MEF2B: variants seen among roughly 807,000 people sequenced by gnomAD.
The protein encoded by MEF2B is myocyte-specific enhancer factor 2B.
A neutral mutation model predicts 32.2 loss-of-function variants in MEF2B; 15 were observed. The observed-to-expected ratio is 0.47, with a 90% CI of 0.31 to 0.72. MEF2B has a LOEUF of 0.72. Among genes scored for constraint, MEF2B ranks in the 30% least tolerant of loss-of-function variants. MEF2B has a pLI of 0.05. For missense variants in MEF2B, 441 were observed against 511.5 expected (o/e 0.86, Z 1.33); for synonymous variants, 205 against 225.6 (o/e 0.91, Z 0.82).
Position 19,164,682 on chromosome 19 carries a change from C to T in MEF2B, c.-30+5523G>A, listed in dbSNP as rs868556299. On this transcript the variant is annotated intron_variant, in intron 1 of 8. Coordinates refer to ENST00000424583, the MANE Select transcript of MEF2B (RefSeq NM_001145785.2). ...TACAAAAATTAGCCGGGCATGATGG[C>T]GGGCGCCTGTAATCCCAGCTACTCA... Among the ~76,000 whole-genome samples, 13 of 152,274 alleles carry T rather than the reference C, an allele frequency of 8.5e-5. No individual in the cohort carries two copies. In the Middle Eastern group the frequency reaches 0.01, roughly 120 times the overall value.
rs2060034749 is a variant in MEF2B at position 19,147,185 on chromosome 19, TGTGG to T, written c.394-6_394-3del. ...GCTGGGCATAGCAGGAGCTGCAGGC[TGTGG>T]GTAGAGAAGGGATGGGTCAGAGGAC... On this transcript the variant is annotated splice_polypyrimidine_tract_variant and splice_region_variant and intron_variant, in intron 4 of 8. Coordinates refer to ENST00000424583, the MANE Select transcript of MEF2B (RefSeq NM_001145785.2). 6.4e-7 allele frequency: 1 copy of T among 1,569,812 alleles called. No individual in the cohort carries two copies. The highest frequency in any genetic ancestry group is 1.2e-5 in the South Asian group (1 of 86,108).
chr19:19,146,499 A>G (rs2146350052), intron 7 of MEF2B, 56 bp downstream of exon 7: 11 of 1,460,968 alleles, frequency 7.5e-6, no homozygotes, highest in Non-Finnish European at 8.2e-6. Context: ...TGGAACCCCC[A>G]GAGGGCAGGA....
At chr19:19,150,563 A>G in intron 2 of MEF2B, 119 bp downstream of exon 2, 1 of 1,231,314 alleles carries the variant, frequency 8.1e-7, no homozygotes, top group Non-Finnish European at 1.1e-6. Context: ...ACATGGCATC[A>G]GGACTCCTCA....
intron 1 of MEF2B, among the ~76,000 whole-genome samples, chr19:19,164,510 C>T (rs2060191333): frequency 6.6e-6 from 1 of 152,216 alleles, no homozygotes; most frequent in Non-Finnish European, 1.5e-5. Flanking sequence ...GGCACCCTCA[C>T]CTGCCAAGAA....
chr19:19,150,212 G>A (rs1399966114), intron 2 of MEF2B, among the ~76,000 whole-genome samples: 1 of 144,430 alleles, frequency 6.9e-6, no homozygotes, highest in African/African-American at 2.5e-5. Context: ...AGGAAGGAGG[G>A]AAGGAGGGAG....
At chr19:19,167,304 T>C (rs1161435799) in intron 1 of MEF2B, among the ~76,000 whole-genome samples, 4 of 148,498 alleles carry the variant, frequency 2.7e-5, no homozygotes, top group African/African-American at 1.0e-4. Context: ...TGAGCCGAGA[T>C]TGTGCCACTG....
chr19:19,151,629 T>C (rs1451063398), intron 1 of MEF2B, among the ~76,000 whole-genome samples: 1 of 152,158 alleles, frequency 6.6e-6, no homozygotes, highest in Non-Finnish European at 1.5e-5. Context: ...GCCTCTACCA[T>C]GTCACAGGTG....
At position 19,147,170 on chromosome 19, in the gene MEF2B, G is replaced by C; in HGVS notation, c.407C>G (p.Ala136Gly). 1.3e-6 allele frequency: 2 copies of C among 1,576,126 alleles called. No individual in the cohort carries two copies. The highest frequency in any genetic ancestry group is 1.7e-6 in the Non-Finnish European group (2 of 1,161,346). ...PRPRLYPAAP[A>G]MPSPDVVYGA... ...GTATACCACATCTGGGCTGGGCATA[G>C]CAGGAGCTGCAGGCTGTGGGTAGAG... is the stretch of plus-strand genomic sequence containing the variant. The change falls in exon 5 of 9, where the codon GCT becomes GGT. Residue 136 changes from alanine (A) to glycine (G), a missense_variant. Physicochemically the swap from Ala to Gly is moderately conservative, Grantham distance 60. This residue lies in a region of MEF2B where 326 missense variants were observed against 328.4 expected (regional missense o/e 0.99). Transcript: ENST00000424583.
chr19:19,154,406 C>A (rs962277555), intron 1 of MEF2B, among the ~76,000 whole-genome samples: 2 of 152,168 alleles, frequency 1.3e-5, no homozygotes, highest in African/African-American at 4.8e-5. Flanking sequence ...TCATGATCCG[C>A]CCGCCTTGGC....
chr19:19,163,338 C>T (rs1006057), intron 1 of MEF2B, among the ~76,000 whole-genome samples: 91,544 of 151,636 alleles, frequency 0.6, 28,588 homozygotes, highest in African/African-American at 0.76. Flanking sequence ...TTTTTAGAGC[C>T]GGGGTCTCCC....
At chr19:19,166,529 GA>G (rs988385477) in intron 1 of MEF2B, among the ~76,000 whole-genome samples, 1 of 151,208 alleles carries the variant, frequency 6.6e-6, no homozygotes, top group African/African-American at 2.4e-5. Context: ...GCCGAGGCAG[GA>G]GGACCATTTG....
intron 1 of MEF2B, among the ~76,000 whole-genome samples, chr19:19,159,874 C>A (rs990460451): frequency 1.3e-5 from 2 of 151,764 alleles, no homozygotes; most frequent in East Asian, 3.9e-4. Context: ...GGCCTCTCTG[C>A]GTGGTAGGAC....
intron 1 of MEF2B, among the ~76,000 whole-genome samples, chr19:19,164,146 T>C (rs2060188617): frequency 6.6e-6 from 1 of 152,124 alleles, no homozygotes; most frequent in Admixed American, 6.5e-5. Flanking sequence ...TTTTTATTTT[T>C]AGTAGAGACA....
intron 2 of MEF2B, among the ~76,000 whole-genome samples, chr19:19,150,083 CAAAAAAAAAAA>C (rs562187293): frequency 2.2e-5 from 1 of 45,904 alleles, no homozygotes; most frequent in Non-Finnish European, 3.8e-5. Flanking sequence ...AACTCCATCT[CAAAAAAAAAAA>C]AAAAAAAAAA....
At chr19:19,150,162 GGGAGGGAAGGAGGGAGGGAGGGAA>G (rs2060062420) in intron 2 of MEF2B, among the ~76,000 whole-genome samples, 4 of 128,176 alleles carry the variant, frequency 3.1e-5, no homozygotes, top group Non-Finnish European at 1.7e-5. Context: ...GAAGGAGGGA[GGGAGGGAAGGAGGGAGGGAGGGAA>G]GGAAGGAAGG....
chr19:19,147,824 C>T lies in MEF2B; in HGVS notation c.267G>A (p.Lys89=), dbSNP rs1486143594. 1 of 1,613,270 alleles carries T rather than the reference C, an allele frequency of 6.2e-7. No individual in the cohort carries two copies. Among genetic ancestry groups the T allele is most frequent in the Admixed American group, 1.7e-5 (1 of 60,000 alleles). Residue 89 remains lysine, a synonymous_variant, in exon 4 of 9, where the codon AAG becomes AAA. Coordinates refer to ENST00000424583, the MANE Select transcript of MEF2B (RefSeq NM_001145785.2). ...GCCCATCGAGGCCAATGCCCCTCCG[C>T]TTCAGCGTCTATGGGGACAGGAGAC... is the stretch of plus-strand genomic sequence containing the variant. ...RTNTDILETL[K]RRGIGLDGPE...
intron 1 of MEF2B, among the ~76,000 whole-genome samples, chr19:19,164,504 C>T (rs66907536): frequency 0.15 from 22,142 of 152,222 alleles, 1,850 homozygotes; most frequent in East Asian, 0.37. Flanking sequence ...GGCACAGGCA[C>T]CCTCACCTGC....
chr19:19,164,247 C>T (rs1203026209), intron 1 of MEF2B, among the ~76,000 whole-genome samples: 6 of 152,144 alleles, frequency 3.9e-5, no homozygotes, highest in Non-Finnish European at 2.9e-5. Context: ...GGATTACAGC[C>T]GTGAGCCCGG....
intron 1 of MEF2B, among the ~76,000 whole-genome samples, chr19:19,151,845 G>A (rs752582575): frequency 2.0e-5 from 3 of 152,092 alleles, no homozygotes; most frequent in Non-Finnish European, 4.4e-5. Context: ...AGATCAGGCC[G>A]GTCACGGTGG....
Sources: allele counts gnomAD v4.1 joint callset (sites outside exome capture counted in the v4.1 genomes callset), GRCh38; gene constraint gnomAD v4.1.1; regional missense constraint gnomAD v4.1.1; transcripts MANE v1.5; gene names NCBI Gene and HGNC (gene_info 2026-07-23, HGNC 2026-07-21).